SPNS3: variants seen among roughly 807,000 people sequenced by gnomAD.
The protein encoded by SPNS3 is protein spinster homolog 3.
A neutral mutation model predicts 54.4 loss-of-function variants in SPNS3; 51 were observed. The observed-to-expected ratio is 0.94, with a 90% CI of 0.75 to 1.18. The LOEUF (loss-of-function observed/expected upper bound fraction) is 1.18. Ranked by LOEUF, SPNS3 falls within the 50% of genes most tolerant of loss-of-function variation. SPNS3 has a pLI of 0.00. For synonymous variants in SPNS3, 309 were observed against 294.7 expected (o/e 1.05, Z -0.50); for missense variants, 669 against 677.4 (o/e 0.99, Z 0.14).
chr17:4,470,375 C>T (rs1971823248), intron 8 of SPNS3, among the ~76,000 whole-genome samples: 1 of 152,092 alleles, frequency 6.6e-6, no homozygotes, highest in Non-Finnish European at 1.5e-5. Flanking sequence ...TTGCAGTGAG[C>T]CGAGATCACG....
intron 7 of SPNS3, among the ~76,000 whole-genome samples, chr17:4,452,048 A>T (rs973625211): frequency 1.3e-5 from 2 of 151,878 alleles, no homozygotes; most frequent in African/African-American, 4.8e-5. Context: ...AGTATATTCA[A>T]ATCCTGGTCT....
intron 7 of SPNS3, among the ~76,000 whole-genome samples, chr17:4,451,153 A>G (rs1971153049): frequency 6.6e-6 from 1 of 152,126 alleles, no homozygotes; most frequent in Non-Finnish European, 1.5e-5. Context: ...CAGCTAGCAT[A>G]CATCCGGGAT....
intron 8 of SPNS3, among the ~76,000 whole-genome samples, chr17:4,474,968 G>A (rs890383972): frequency 2.0e-5 from 3 of 152,204 alleles, no homozygotes; most frequent in Non-Finnish European, 4.4e-5. Context: ...ATGTGTGTGA[G>A]TGTGCTTGTG....
At chr17:4,453,416 A>G (rs1971222110) in intron 8 of SPNS3, among the ~76,000 whole-genome samples, 1 of 152,222 alleles carries the variant, frequency 6.6e-6, no homozygotes, top group Admixed American at 6.5e-5. Flanking sequence ...TGGGAGGTCA[A>G]GGCCGGCCTG....
At chr17:4,455,920 G>T (rs983000424) in intron 8 of SPNS3, among the ~76,000 whole-genome samples, 10 of 19,658 alleles carry the variant, frequency 5.1e-4, no homozygotes, top group Non-Finnish European at 1.0e-3. Flanking sequence ...CCCTCTGTGG[G>T]GGGGGGGTGA....
chr17:4,439,803 C>G, intron 2 of SPNS3, 80 bp downstream of exon 2: 1 of 1,348,002 alleles, frequency 7.4e-7, no homozygotes, highest in Non-Finnish European at 1.0e-6. Flanking sequence ...ATGTTCTGTG[C>G]CCAGCTCCAG....
intron 8 of SPNS3, among the ~76,000 whole-genome samples, chr17:4,467,673 T>C: frequency 6.6e-6 from 1 of 152,330 alleles, no homozygotes; most frequent in Non-Finnish European, 1.5e-5. Flanking sequence ...TTAATTAAAT[T>C]AATTTATTTA....
intron 1 of SPNS3, among the ~76,000 whole-genome samples, chr17:4,436,125 G>A (rs781384037): frequency 3.3e-5 from 5 of 152,216 alleles, no homozygotes; most frequent in Non-Finnish European, 7.3e-5. Context: ...CAGAGATAGA[G>A]GCTGGTTGAT....
chr17:4,453,622 GA>G (rs145508880), intron 8 of SPNS3, among the ~76,000 whole-genome samples: 1 of 151,540 alleles, frequency 6.6e-6, no homozygotes, highest in East Asian at 1.9e-4. Context: ...CATCTTGGGG[GA>G]AAAAAACAGA....
At chr17:4,449,904 C>T (rs866746622) in intron 7 of SPNS3, among the ~76,000 whole-genome samples, 7 of 152,172 alleles carry the variant, frequency 4.6e-5, no homozygotes, top group African/African-American at 1.7e-4. Flanking sequence ...CCGCTTCCTG[C>T]CTGGCTGTCT....
chr17:4,439,709 G>A lies in SPNS3; in HGVS notation c.251G>A (p.Gly84Asp). ...TTCCAGATCAGTGACAACCATGCTG[G>A]TTTGCTTCAGACTGGTAAGGAGGAG... ...EVFQISDNHA[G>D]LLQTVFVSCL... The change falls in exon 2 of 12, where the codon GGT (glycine) becomes GAT (aspartate). Residue 84 changes from glycine to aspartate, a missense_variant. Physicochemically the swap from Gly to Asp is moderately conservative, Grantham distance 94. Transcript: ENST00000355530. The A allele has an allele frequency of 6.2e-7, 1 of 1,612,812 alleles. No individual in the cohort carries two copies. Among genetic ancestry groups the A allele is most frequent in the South Asian group, 1.1e-5 (1 of 90,664 alleles).
chr17:4,435,982 TC>T (rs1380963416), intron 1 of SPNS3, among the ~76,000 whole-genome samples: 3 of 151,862 alleles, frequency 2.0e-5, no homozygotes, highest in Non-Finnish European at 4.4e-5. Context: ...CACTTGCTCT[TC>T]TCTTCTTGTC....
chr17:4,441,489 C>T (rs984815644), intron 2 of SPNS3, among the ~76,000 whole-genome samples: 3 of 152,234 alleles, frequency 2.0e-5, no homozygotes, highest in African/African-American at 7.2e-5. Context: ...GCTGATCTTC[C>T]AGCCATATCT....
intron 8 of SPNS3, among the ~76,000 whole-genome samples, chr17:4,466,797 A>G (rs1279770481): frequency 2.8e-4 from 42 of 152,230 alleles, no homozygotes; most frequent in Non-Finnish European, 8.8e-5. Context: ...GTGAGCCGAG[A>G]TCGCACCATT....
chr17:4,463,534 C>T (rs945768082), intron 8 of SPNS3, among the ~76,000 whole-genome samples: 1 of 151,902 alleles, frequency 6.6e-6, no homozygotes, highest in African/African-American at 2.4e-5. Flanking sequence ...TCGAGACCAG[C>T]CTGGCCAACA....
At chr17:4,445,983 C>T (rs1339170863) in intron 3 of SPNS3, 65 bp from the exon 4 acceptor site, 2 of 1,530,548 alleles carry the variant, frequency 1.3e-6, no homozygotes, top group African/African-American at 1.4e-5. Context: ...TCCGACAAAC[C>T]CTCGGGTCCC....
chr17:4,487,428 C>T (rs903197034), intron 11 of SPNS3, among the ~76,000 whole-genome samples: 16 of 152,186 alleles, frequency 1.1e-4, no homozygotes, highest in Non-Finnish European at 1.6e-4. Context: ...GTGAGGGATA[C>T]GGGGCCAGAG....
At chr17:4,439,854 G>T in intron 2 of SPNS3, 131 bp downstream of exon 2, 1 of 789,018 alleles carries the variant, frequency 1.3e-6, no homozygotes, top group South Asian at 1.6e-5. Context: ...GTGGGGTATG[G>T]GCCTGAGGGA....
rs1368766734 is a variant in SPNS3 at position 4,453,337 on chromosome 17, C to T, written c.1113+132C>T. 6.9e-6 allele frequency: 6 copies of T among 865,768 alleles called. No homozygotes were observed. The Admixed American group carries it at 8.5e-5, about 12-fold the overall frequency. The allele number at this position is 865,768 out of a possible 1,614,324, so 53.6% of individuals were successfully genotyped here. A position where few individuals can be genotyped will look rare whatever the true frequency, so the allele number is the denominator to read the frequency against. On this transcript the variant is annotated intron_variant, in intron 8 of 11. Coordinates refer to ENST00000355530, the MANE Select transcript of SPNS3 (RefSeq NM_182538.5). ...CTCCTTCTGAGTAGAGCTTGTTATC[C>T]CCATTTTACAGATCAGTAAAGAGAA...
Sources: allele counts gnomAD v4.1 joint callset (sites outside exome capture counted in the v4.1 genomes callset), GRCh38; gene constraint gnomAD v4.1.1; transcripts MANE v1.5; gene names NCBI Gene and HGNC (gene_info 2026-07-23, HGNC 2026-07-21).